The following SH3PXD2A variants were observed in gnomAD, a reference collection of about 807,000 sequenced individuals.
SH3PXD2A encodes the protein SH3 and PX domain-containing protein 2A.
In SH3PXD2A, 32 loss-of-function variants were observed where a neutral mutation model predicts 115.2. The ratio of observed to expected loss-of-function variants is 0.28; its 90% CI spans 0.21 to 0.37. The LOEUF (loss-of-function observed/expected upper bound fraction) is 0.37. Ranked by LOEUF, SH3PXD2A falls within the 10% of genes least tolerant of loss-of-function variation. The pLI is 1.00. For synonymous variants in SH3PXD2A, 610 were observed against 629.1 expected (o/e 0.97, Z 0.45); for missense variants, 1,328 against 1,498.7 (o/e 0.89, Z 1.88).
rs1054079997 is a variant in SH3PXD2A at position 103,594,371 on chromosome 10, T to G, written c.*7445A>C. On this transcript the variant is annotated 3_prime_UTR_variant, in exon 15 of 15. Transcript: ENST00000369774. ...ACTGCACTGAGTTTAATGTCCTTTC[T>G]CCAGTTTCTCTGCTGAGGAGGAAAG... 1.3e-5 allele frequency: 2 copies of G among 152,648 alleles called. No homozygotes were observed. The highest frequency in any genetic ancestry group is 2.4e-5 in the African/African-American group (1 of 41,464). 9.5% of individuals were successfully genotyped at this position (152,648 alleles called of 1,614,324 possible). A position where few individuals can be genotyped will look rare whatever the true frequency, so the allele number is the denominator to read the frequency against.
intron 8 of SH3PXD2A, among the ~76,000 whole-genome samples, chr10:103,634,288 G>A (rs1171389277): frequency 6.6e-6 from 1 of 152,220 alleles, no homozygotes; most frequent in Non-Finnish European, 1.5e-5. Flanking sequence ...AAGGAGAAAG[G>A]CCCTGTGTGC....
chr10:103,827,470 A>T (rs1185893533), intron 1 of SH3PXD2A, among the ~76,000 whole-genome samples: 1 of 152,190 alleles, frequency 6.6e-6, no homozygotes, highest in Non-Finnish European at 1.5e-5. Context: ...TCCACCACCC[A>T]TGAGCTGTGT....
intron 8 of SH3PXD2A, among the ~76,000 whole-genome samples, chr10:103,647,012 C>T (rs977946338): frequency 1.4e-5 from 2 of 141,090 alleles, no homozygotes; most frequent in Non-Finnish European, 1.6e-5. Flanking sequence ...TGGAGGGAGG[C>T]CTCTATGGGG....
chr10:103,814,847 T>G (rs376076266), intron 1 of SH3PXD2A, among the ~76,000 whole-genome samples: 1 of 152,174 alleles, frequency 6.6e-6, no homozygotes, highest in South Asian at 2.1e-4. Context: ...TCAGACCATT[T>G]CTGACGGCCC....
chr10:103,840,606 C>T (rs954482912), intron 1 of SH3PXD2A, among the ~76,000 whole-genome samples: 4 of 152,256 alleles, frequency 2.6e-5, no homozygotes, highest in African/African-American at 9.6e-5. Context: ...GGCCAGGAAA[C>T]AAGAGGTTTC....
At position 103,601,358 on chromosome 10, in the gene SH3PXD2A, A is replaced by G. The variant is rs1001055088; in HGVS notation, c.*458T>C. ...GCACAATTCACAAATACAGCTTAGG[A>G]CAATACCAGGGATACCTGGGGTGGC... On this transcript the variant is annotated 3_prime_UTR_variant, in exon 15 of 15. Transcript: ENST00000369774. 18 of 160,794 alleles carry G rather than the reference A, an allele frequency of 1.1e-4. No individual in the cohort carries two copies. Among genetic ancestry groups the G allele is most frequent in the Admixed American group, 2.9e-4 (5 of 17,122 alleles). The allele number at this position is 160,794 out of a possible 1,614,324, so 10.0% of individuals were successfully genotyped here.
intron 8 of SH3PXD2A, among the ~76,000 whole-genome samples, chr10:103,639,818 G>A (rs749193763): frequency 4.6e-5 from 7 of 152,098 alleles, no homozygotes; most frequent in Non-Finnish European, 8.8e-5. Flanking sequence ...TGATGTGGAT[G>A]GTGAGAGAGA....
At position 103,614,080 on chromosome 10, in the gene SH3PXD2A, C is replaced by CA. The variant is rs1268718817; in HGVS notation, c.921-891dup. 9.0e-4 allele frequency among the ~76,000 whole-genome samples: 106 copies of CA among 118,180 alleles called. 1 individual carries two copies. Among genetic ancestry groups the CA allele is most frequent in the Middle Eastern group, 8.5e-3 (2 of 236 alleles). The allele number at this position is 118,180 out of a possible 152,430, so 77.5% of individuals were successfully genotyped here. A position where few individuals can be genotyped will look rare whatever the true frequency, so the allele number is the denominator to read the frequency against. Reference sequence around the variant, plus strand: ...CTACATAGCAAGATCTCATCTCTACCAAAAAAAAATTTTTTTTTTTTTTAA... The same window carrying CA: ...CTACATAGCAAGATCTCATCTCTACCAAAAAAAAAATTTTTTTTTTTTTTAA... On this transcript the variant is annotated intron_variant, in intron 11 of 14. Transcript: ENST00000369774.
In SH3PXD2A at chr10:103,613,132, G is replaced by C; in HGVS notation, c.979C>G (p.Leu327Val). 1 of 1,613,582 alleles carries C rather than the reference G, an allele frequency of 6.2e-7. No homozygotes were observed. The highest frequency in any genetic ancestry group is 8.5e-7 in the Non-Finnish European group (1 of 1,179,788). The change falls in exon 12 of 15, where the codon CTG (leucine) becomes GTG (valine). Residue 327 changes from leucine (L) to valine (V), a missense_variant. Leu to Val is a conservative substitution (Grantham distance 32). Coordinates refer to ENST00000369774, the MANE Select transcript of SH3PXD2A (RefSeq NM_001394015.1). ...GCCAGGTTCTTCTTCCGGGTTGGCA[G>C]GTCATCCTTGGCCTTCTTCAGGTAG... ...ASYLKKAKDD[L>V]PTRKKNLAGP...
At position 103,729,151 on chromosome 10, in the gene SH3PXD2A, C is replaced by T. The variant is rs147713222; in HGVS notation, c.307-4790G>A. On this transcript the variant is annotated intron_variant, in intron 4 of 14. Coordinates refer to ENST00000369774, the MANE Select transcript of SH3PXD2A (RefSeq NM_001394015.1). The stretch of plus-strand genomic sequence containing the variant: ...CCTCAAGTAAGTGATCCACCTGCCT[C>T]GGCCTCCCAAAGTGCTGGGATTACA... Among the ~76,000 whole-genome samples the T allele has an allele frequency of 7.2e-4, 109 of 152,238 alleles. 1 individual carries two copies. Among genetic ancestry groups the T allele is most frequent in the African/African-American group, 2.3e-3 (97 of 41,532 alleles).
chr10:103,794,910 G>A (rs545807173), intron 2 of SH3PXD2A, among the ~76,000 whole-genome samples: 7 of 152,318 alleles, frequency 4.6e-5, no homozygotes, highest in African/African-American at 7.2e-5. Flanking sequence ...CTAAGGATGG[G>A]CAAACTGTGC....
intron 7 of SH3PXD2A, among the ~76,000 whole-genome samples, chr10:103,667,579 T>C (rs973107247): frequency 6.6e-6 from 1 of 152,058 alleles, no homozygotes; most frequent in African/African-American, 2.4e-5. Context: ...CCTTCTCTTC[T>C]CCTCTGGACT....
chr10:103,655,112 T>C (rs904237632), intron 8 of SH3PXD2A, among the ~76,000 whole-genome samples: 2 of 152,144 alleles, frequency 1.3e-5, no homozygotes, highest in South Asian at 2.1e-4. Context: ...TAGCCTGATA[T>C]AGCAAGAACA....
At chr10:103,655,391 T>C (rs2037195939) in intron 8 of SH3PXD2A, among the ~76,000 whole-genome samples, 1 of 152,192 alleles carries the variant, frequency 6.6e-6, no homozygotes, top group Non-Finnish European at 1.5e-5. Flanking sequence ...CAGGCGAATG[T>C]GGAAGTCTGA....
At chr10:103,641,798 G>T (rs9665523) in intron 8 of SH3PXD2A, among the ~76,000 whole-genome samples, 36,931 of 151,986 alleles carry the variant, frequency 0.24, 5,018 homozygotes, top group Non-Finnish European at 0.3. Context: ...CCACATGGTA[G>T]GGCGAGGCAG....
chr10:103,647,339 C>G (rs779539732), intron 8 of SH3PXD2A, among the ~76,000 whole-genome samples: 1 of 152,170 alleles, frequency 6.6e-6, no homozygotes, highest in Non-Finnish European at 1.5e-5. Context: ...AGCCCCTTAC[C>G]CTGGAACCAC....
At chr10:103,674,945 G>C (rs1011418743) in intron 6 of SH3PXD2A, among the ~76,000 whole-genome samples, 3 of 152,228 alleles carry the variant, frequency 2.0e-5, no homozygotes, top group South Asian at 2.1e-4. Flanking sequence ...AAGCACACCT[G>C]GGTGGAAGTC....
chr10:103,661,238 G>T (rs777959437), intron 7 of SH3PXD2A, 124 bp from the exon 8 acceptor site: 1 of 1,179,728 alleles, frequency 8.5e-7, no homozygotes, highest in Non-Finnish European at 1.1e-6. Flanking sequence ...CCCAGGGGCA[G>T]CCCGCAGCCG....
At chr10:103,682,813 C>A (rs553043067) in intron 6 of SH3PXD2A, among the ~76,000 whole-genome samples, 1 of 151,568 alleles carries the variant, frequency 6.6e-6, no homozygotes, top group Non-Finnish European at 1.5e-5. Flanking sequence ...CAGAAGCTGA[C>A]GCCTTCAAAA....
Sources: allele counts gnomAD v4.1 joint callset (sites outside exome capture counted in the v4.1 genomes callset), GRCh38; gene constraint gnomAD v4.1.1; transcripts MANE v1.5; gene names NCBI Gene and HGNC (gene_info 2026-07-23, HGNC 2026-07-21).